RMST: variants seen among roughly 807,000 people sequenced by gnomAD.
RMST encodes rhabdomyosarcoma 2 associated transcript.
rs529501893 is a variant in RMST, at chr12:97,481,144, A to G, written n.645-11317A>G. On this transcript the variant is annotated intron_variant and non_coding_transcript_variant, in intron 5 of 13. Coordinates refer to ENST00000640149, the Ensembl canonical transcript of RMST. ...TGTTCATGTAAGGATGCATTTATAT[A>G]TTTTTTAACTTTTAATTTTTTTTCT... Among the ~76,000 whole-genome samples the G allele has an allele frequency of 2.0e-5, 3 of 152,254 alleles. No individual in the cohort carries two copies. The East Asian group carries it at 5.8e-4, about 29-fold the overall frequency.
intron 11 of RMST, among the ~76,000 whole-genome samples, chr12:97,547,826 T>C (rs998318796): frequency 2.6e-5 from 4 of 152,174 alleles, no homozygotes; most frequent in African/African-American, 9.6e-5. Flanking sequence ...GCAAATACTT[T>C]CTGCCATTCT....
At chr12:97,500,438 A>G (rs1303434100) in intron 10 of RMST, among the ~76,000 whole-genome samples, 1 of 152,222 alleles carries the variant, frequency 6.6e-6, no homozygotes, top group African/African-American at 2.4e-5. Flanking sequence ...ATATTTATCA[A>G]GAACCTACTG....
At chr12:97,524,075 C>CAGAGAAAGAAA (rs57255256) in intron 10 of RMST, among the ~76,000 whole-genome samples, 1 of 56,118 alleles carries the variant, frequency 1.8e-5, no homozygotes, top group South Asian at 7.7e-4. Context: ...GACTCTGTCT[C>CAGAGAAAGAAA]AAAAAAAAAA....
chr12:97,478,249 T>C (rs1393296603), intron 5 of RMST, among the ~76,000 whole-genome samples: 7 of 152,238 alleles, frequency 4.6e-5, no homozygotes, highest in Admixed American at 2.0e-4. Flanking sequence ...TCTTCTAAGA[T>C]GTACACCATA....
chr12:97,557,306 A>G (rs1418110826), intron 11 of RMST, among the ~76,000 whole-genome samples: 5 of 152,138 alleles, frequency 3.3e-5, no homozygotes, highest in Non-Finnish European at 7.3e-5. Flanking sequence ...CTGTTTCTTG[A>G]GTGGAGTTGC....
At chr12:97,478,416 T>C (rs1370927335) in intron 5 of RMST, among the ~76,000 whole-genome samples, 1 of 152,216 alleles carries the variant, frequency 6.6e-6, no homozygotes, top group Non-Finnish European at 1.5e-5. Context: ...AAGCATCTCA[T>C]TTCATTGTCG....
At chr12:97,553,633 G>A (rs1294927354) in intron 11 of RMST, among the ~76,000 whole-genome samples, 2 of 152,158 alleles carry the variant, frequency 1.3e-5, no homozygotes, top group East Asian at 3.9e-4. Flanking sequence ...CAGAAATGCT[G>A]TGTGATCTTC....
chr12:97,469,186 G>GTA (rs1466709519), intron 5 of RMST, among the ~76,000 whole-genome samples: 18 of 135,638 alleles, frequency 1.3e-4, no homozygotes, highest in South Asian at 4.5e-4. Flanking sequence ...GTGTGTATGT[G>GTA]TGTATATATA....
At chr12:97,511,548 G>A (rs1243654070) in intron 10 of RMST, among the ~76,000 whole-genome samples, 1 of 152,086 alleles carries the variant, frequency 6.6e-6, no homozygotes, top group Non-Finnish European at 1.5e-5. Context: ...ACTGCATAAG[G>A]TAGTGAAAGG....
At chr12:97,483,083 T>C (rs1267716426) in intron 5 of RMST, among the ~76,000 whole-genome samples, 1 of 152,094 alleles carries the variant, frequency 6.6e-6, no homozygotes, top group African/African-American at 2.4e-5. Flanking sequence ...CTATTGTCAG[T>C]TTGATAATAT....
intron 5 of RMST, among the ~76,000 whole-genome samples, chr12:97,467,937 A>G (rs1873391903): frequency 6.6e-6 from 1 of 152,022 alleles, no homozygotes; most frequent in African/African-American, 2.4e-5. Flanking sequence ...AGTAGTAGCC[A>G]GTTATTTGTG....
intron 11 of RMST, among the ~76,000 whole-genome samples, chr12:97,558,303 G>A (rs1003793364): frequency 6.6e-5 from 10 of 152,134 alleles, no homozygotes; most frequent in African/African-American, 1.7e-4. Flanking sequence ...AGTTCTGGCC[G>A]ATGGCTTATT....
chr12:97,512,768 T>TC (rs1385260847), intron 10 of RMST, among the ~76,000 whole-genome samples: 1 of 152,154 alleles, frequency 6.6e-6, no homozygotes, highest in African/African-American at 2.4e-5. Flanking sequence ...TGCCTGCCAA[T>TC]CCCGCGCCCT....
At chr12:97,560,225 G>A (rs530878882) in intron 11 of RMST, among the ~76,000 whole-genome samples, 19 of 152,250 alleles carry the variant, frequency 1.2e-4, no homozygotes, top group East Asian at 3.9e-4. Flanking sequence ...AACAAAACAC[G>A]TTCATAATTA....
intron 8 of RMST, among the ~76,000 whole-genome samples, chr12:97,494,366 T>A (rs544610308): frequency 2.4e-4 from 36 of 152,276 alleles, no homozygotes; most frequent in Non-Finnish European, 4.6e-4. Context: ...TGAGTTTTAG[T>A]AATTTGTGGG....
At chr12:97,468,033 C>T (rs894935601) in intron 5 of RMST, among the ~76,000 whole-genome samples, 25 of 151,964 alleles carry the variant, frequency 1.6e-4, no homozygotes, top group African/African-American at 5.8e-4. Flanking sequence ...ATAAAGAATG[C>T]ACTGCCAGGG....
intron 13 of RMST, among the ~76,000 whole-genome samples, chr12:97,562,161 A>G (rs550615187): frequency 9.6e-4 from 146 of 152,218 alleles, no homozygotes; most frequent in African/African-American, 3.1e-3. Context: ...ACACTTTAAA[A>G]CTGCCCTTCA....
chr12:97,482,672 A>T (rs1875489324), intron 5 of RMST, among the ~76,000 whole-genome samples: 1 of 111,564 alleles, frequency 9.0e-6, no homozygotes, highest in Non-Finnish European at 1.9e-5. Context: ...TATTTATTTA[A>T]TATTTAATTT....
chr12:97,558,214 A>G (rs911219240), intron 11 of RMST, among the ~76,000 whole-genome samples: 1 of 152,204 alleles, frequency 6.6e-6, no homozygotes, highest in South Asian at 2.1e-4. Context: ...CAACAAGTAC[A>G]GCTTGTTCTC....
Sources: allele counts gnomAD v4.1 joint callset (sites outside exome capture counted in the v4.1 genomes callset), GRCh38; gene constraint gnomAD v4.1.1; transcripts MANE v1.5; gene names NCBI Gene and HGNC (gene_info 2026-07-23, HGNC 2026-07-21).